UBR2: variants seen among roughly 807,000 people sequenced by gnomAD.
UBR2 encodes the protein ubiquitin protein ligase E3 component n-recognin 2.
UBR2 carries 92 observed loss-of-function variants against 247.9 expected under a neutral mutation model. The observed-to-expected ratio is 0.37, with a 90% CI of 0.31 to 0.44. UBR2 has a LOEUF of 0.44. Among genes scored for constraint, UBR2 ranks in the 20% least tolerant of loss-of-function variants. The pLI is 1.00. For synonymous variants in UBR2, 672 were observed against 693.5 expected (o/e 0.97, Z 0.49); for missense variants, 1,613 against 2,112.6 (o/e 0.76, Z 4.64).
chr6:42,670,096 C>T lies in UBR2; in HGVS notation c.3886C>T (p.Pro1296Ser), dbSNP rs555549990. The T allele has an allele frequency of 3.1e-6, 5 of 1,613,920 alleles. No homozygotes were observed. The highest frequency in any genetic ancestry group is 2.2e-5 in the East Asian group (1 of 44,856). ...TTTTATACATGTTTACTTCAGGATC[C>T]CTTATTCTGAGAGCATAAAAGAAAT... is the stretch of plus-strand genomic sequence containing the variant. ...GFRPDFRPKI[P>S]YSESIKEMLT... The change falls in exon 35 of 47, where the codon CCT becomes TCT. Residue 1296 changes from proline to serine, a missense_variant. Pro to Ser is a moderately conservative substitution (Grantham distance 74, BLOSUM62 -1). Coordinates refer to ENST00000372901, the MANE Select transcript of UBR2 (RefSeq NM_001363705.2).
rs897524799 is a variant in UBR2 at position 42,619,976 on chromosome 6, A to G, written c.1281+2469A>G. The G allele has an allele frequency of 1.6e-5, 15 of 932,344 alleles. No homozygotes were observed. The African/African-American group carries it at 2.5e-4, about 15-fold the overall frequency. The allele number at this position is 932,344 out of a possible 1,614,324, so 57.8% of individuals were successfully genotyped here. ...TTTGATGCTGTAGTAAACTTTTTAT[A>G]TTTTTAAACAGGCTATGGTAGTATT... On this transcript the variant is annotated intron_variant, in intron 11 of 46. Coordinates refer to ENST00000372901, the MANE Select transcript of UBR2 (RefSeq NM_001363705.2).
chr6:42,595,804 G>A (rs1425283752), intron 4 of UBR2, among the ~76,000 whole-genome samples: 5 of 150,988 alleles, frequency 3.3e-5, no homozygotes, highest in Admixed American at 6.6e-5. Context: ...AGCTTTTGAT[G>A]TACAAATCAA....
chr6:42,666,228 GCCT>G lies in UBR2; in HGVS notation c.3865_3867del (p.Pro1289del), dbSNP rs752010998. Reference sequence around the variant, plus strand: ...AATTACAGCTCCCTGAAGGGTTCAGGCCTGATTTTCGTCCTAAGTGAGTATATT... The same window carrying G: ...AATTACAGCTCCCTGAAGGGTTCAGGGATTTTCGTCCTAAGTGAGTATATT... On this transcript the variant is annotated inframe_deletion, in exon 34 of 47. Transcript: ENST00000372901. The G allele has an allele frequency of 1.2e-6, 2 of 1,611,834 alleles. No individual in the cohort carries two copies. The highest frequency in any genetic ancestry group is 1.3e-5 in the African/African-American group (1 of 74,946).
At chr6:42,674,715 T>G (rs1798626726) in intron 38 of UBR2, among the ~76,000 whole-genome samples, 1 of 150,882 alleles carries the variant, frequency 6.6e-6, no homozygotes, top group Non-Finnish European at 1.5e-5. Flanking sequence ...TGACCAAGAT[T>G]GCATGACTGC....
intron 11 of UBR2, among the ~76,000 whole-genome samples, chr6:42,621,518 A>G (rs2151944113): frequency 6.6e-6 from 1 of 152,106 alleles, no homozygotes; most frequent in East Asian, 1.9e-4. Flanking sequence ...GCTGGAGTGC[A>G]ATGGTGTGAT....
chr6:42,638,760 A>T (rs1796261754), intron 15 of UBR2, among the ~76,000 whole-genome samples: 1 of 152,176 alleles, frequency 6.6e-6, no homozygotes, highest in African/African-American at 2.4e-5. Flanking sequence ...TTAAAAAAAA[A>T]AAAGGCAAGA....
chr6:42,650,119 G>C (rs903098811), intron 22 of UBR2, among the ~76,000 whole-genome samples, 165 bp from the exon 23 acceptor site: 1 of 152,180 alleles, frequency 6.6e-6, no homozygotes, highest in Admixed American at 6.5e-5. Context: ...GATGCATGTA[G>C]AACTCGGATT....
intron 2 of UBR2, among the ~76,000 whole-genome samples, chr6:42,583,953 T>C (rs1792081682): frequency 6.6e-6 from 1 of 151,884 alleles, no homozygotes; most frequent in Admixed American, 6.6e-5. Flanking sequence ...CATACAGATA[T>C]TTAGTTGTTC....
At chr6:42,662,161 T>C in intron 30 of UBR2, 23 bp from the exon 31 acceptor site, 2 of 1,481,230 alleles carry the variant, frequency 1.4e-6, no homozygotes, top group East Asian at 4.6e-5. Context: ...TTTTGTTTTG[T>C]TTTGTTTTGT....
intron 7 of UBR2, among the ~76,000 whole-genome samples, chr6:42,607,133 A>G (rs1793750173): frequency 6.6e-6 from 1 of 152,020 alleles, no homozygotes; most frequent in African/African-American, 2.4e-5. Flanking sequence ...CATTCCATGT[A>G]ACTGAATTTT....
intron 25 of UBR2, 87 bp from the exon 26 acceptor site, chr6:42,655,534 T>C: frequency 1.4e-6 from 1 of 729,076 alleles, no homozygotes; most frequent in Non-Finnish European, 2.2e-6. Context: ...ATTTATCTTT[T>C]TCAATAATTC....
intron 36 of UBR2, among the ~76,000 whole-genome samples, chr6:42,673,126 G>T (rs1229554092): frequency 1.3e-5 from 2 of 152,078 alleles, no homozygotes; most frequent in Non-Finnish European, 2.9e-5. Flanking sequence ...ATTTTTAATA[G>T]CTGCAGGCAC....
At chr6:42,607,528 T>G (rs565379266) in intron 7 of UBR2, among the ~76,000 whole-genome samples, 27 of 151,872 alleles carry the variant, frequency 1.8e-4, no homozygotes, top group Non-Finnish European at 3.5e-4. Context: ...TTGTTGTTGT[T>G]GTTTGAGACA....
At chr6:42,640,430 G>A (rs1312211477) in intron 16 of UBR2, among the ~76,000 whole-genome samples, 160 bp downstream of exon 16, 2 of 99,010 alleles carry the variant, frequency 2.0e-5, no homozygotes, top group Non-Finnish European at 4.3e-5. Context: ...GTGTGTGTGT[G>A]TGTGTATAGA....
rs963486401 is a variant in UBR2 at position 42,692,083 on chromosome 6, T to G, written c.*910T>G. ...GTTTCTTGAGCTTTTAAGGTAAGCT[T>G]CTTTTGGCTTTTTTTCAGATGTTCA... On this transcript the variant is annotated 3_prime_UTR_variant, in exon 47 of 47. Coordinates refer to ENST00000372901, the MANE Select transcript of UBR2 (RefSeq NM_001363705.2). 3.3e-5 allele frequency: 5 copies of G among 152,118 alleles called. No homozygotes were observed. The highest frequency in any genetic ancestry group is 9.7e-5 in the African/African-American group (4 of 41,430). The allele number at this position is 152,118 out of a possible 1,614,324, so 9.4% of individuals were successfully genotyped here.
chr6:42,674,977 A>G (rs1216323775), intron 38 of UBR2, among the ~76,000 whole-genome samples: 1 of 152,042 alleles, frequency 6.6e-6, no homozygotes, highest in African/African-American at 2.4e-5. Flanking sequence ...CCCTACCTCA[A>G]CTGGGTTCCC....
intron 2 of UBR2, among the ~76,000 whole-genome samples, chr6:42,579,218 GA>G (rs1419617474): frequency 6.6e-6 from 1 of 152,164 alleles, no homozygotes; most frequent in Non-Finnish European, 1.5e-5. Context: ...AGGGGAAAGG[GA>G]AGCAGGCACA....
intron 2 of UBR2, among the ~76,000 whole-genome samples, chr6:42,582,947 C>T (rs935707253): frequency 1.3e-5 from 2 of 151,950 alleles, no homozygotes; most frequent in Non-Finnish European, 1.5e-5. Flanking sequence ...ATTGCCCATT[C>T]ATCCAGCTTC....
chr6:42,624,827 A>G (rs938668927), intron 11 of UBR2, among the ~76,000 whole-genome samples: 3 of 152,180 alleles, frequency 2.0e-5, no homozygotes, highest in African/African-American at 4.8e-5. Flanking sequence ...GTTGTTATCT[A>G]TAGGAGTAAT....
Sources: allele counts gnomAD v4.1 joint callset (sites outside exome capture counted in the v4.1 genomes callset), GRCh38; gene constraint gnomAD v4.1.1; transcripts MANE v1.5; gene names NCBI Gene and HGNC (gene_info 2026-07-23, HGNC 2026-07-21).